The following MAP4K5 variants were observed in gnomAD, a reference collection of about 807,000 sequenced individuals.
MAP4K5 encodes the protein MAPK/ERK kinase kinase kinase 5.
In MAP4K5, 82 loss-of-function variants were observed where a neutral mutation model predicts 135.6. The observed-to-expected ratio is 0.60, with a 90% confidence interval of 0.51 to 0.73. The LOEUF is 0.73. Among genes scored for constraint, MAP4K5 ranks in the 30% least tolerant of loss-of-function variants. The pLI is 0.00. For synonymous variants in MAP4K5, 347 were observed against 335.0 expected, an observed-to-expected ratio of 1.04 and a Z score of -0.39; for missense variants, 907 against 1,010.9, an observed-to-expected ratio of 0.90 and a Z score of 1.39.
chr14:50,515,714 C>T (rs908600778), intron 2 of MAP4K5, among the ~76,000 whole-genome samples: 1 of 151,968 alleles, frequency 6.6e-6, no homozygotes, highest in African/African-American at 2.4e-5. Flanking sequence ...AGAACTATTC[C>T]ACTCCTCTTG....
intron 12 of MAP4K5, 84 bp from the exon 13 acceptor site, chr14:50,462,865 G>T: frequency 1.3e-6 from 1 of 766,630 alleles, no homozygotes; most frequent in Non-Finnish European, 2.3e-6. Flanking sequence ...TTTTCATTCA[G>T]TAACTAGCAG....
chr14:50,482,284 G>C, intron 6 of MAP4K5, 77 bp downstream of exon 6: 1 of 757,756 alleles, frequency 1.3e-6, no homozygotes, highest in African/African-American at 1.9e-5. Flanking sequence ...TCAATTGTCA[G>C]GCAATTGCCT....
chr14:50,517,071 A>G (rs574731100), intron 2 of MAP4K5, among the ~76,000 whole-genome samples: 73 of 152,322 alleles, frequency 4.8e-4, no homozygotes, highest in African/African-American at 1.6e-3. Flanking sequence ...ATGTCCAACA[A>G]AAATGATAGT....
intron 2 of MAP4K5, among the ~76,000 whole-genome samples, chr14:50,528,143 CTG>C (rs1365030057): frequency 6.6e-5 from 10 of 152,230 alleles, no homozygotes; most frequent in Middle Eastern, 3.4e-3. Flanking sequence ...CTTTTCTCTT[CTG>C]TGTTTCTTTT....
intron 17 of MAP4K5, among the ~76,000 whole-genome samples, chr14:50,445,515 C>G (rs1404679759): frequency 6.6e-6 from 1 of 152,096 alleles, no homozygotes; most frequent in Admixed American, 6.6e-5. Flanking sequence ...ACTGTTTCCC[C>G]TCCATGTAGT....
intron 11 of MAP4K5, among the ~76,000 whole-genome samples, chr14:50,466,152 G>A (rs555686831): frequency 6.2e-4 from 95 of 152,152 alleles, no homozygotes; most frequent in African/African-American, 2.2e-3. Context: ...TGAAGTGGGA[G>A]GATCCCTTGA....
intron 9 of MAP4K5, among the ~76,000 whole-genome samples, chr14:50,469,335 T>C (rs1049722054): frequency 6.6e-6 from 1 of 152,250 alleles, no homozygotes; most frequent in African/African-American, 2.4e-5. Context: ...TTCATTTTTA[T>C]CTTATTTTAC....
intron 3 of MAP4K5, among the ~76,000 whole-genome samples, chr14:50,490,124 A>AGTGAGAGT (rs2037450422): frequency 1.3e-5 from 1 of 78,186 alleles, no homozygotes; most frequent in Non-Finnish European, 2.5e-5. Flanking sequence ...ACAGAGAGCG[A>AGTGAGAGT]GTGAGAGTGT....
At chr14:50,472,945 T>C (rs1035079614) in intron 9 of MAP4K5, among the ~76,000 whole-genome samples, 4 of 152,184 alleles carry the variant, frequency 2.6e-5, no homozygotes, top group African/African-American at 4.8e-5. Context: ...ATATATTGTG[T>C]TTATCAGTGG....
At chr14:50,542,006 C>CAAAAAAAA (rs59075218) in intron 2 of MAP4K5, among the ~76,000 whole-genome samples, 4 of 62,462 alleles carry the variant, frequency 6.4e-5, no homozygotes, top group African/African-American at 1.6e-4. Flanking sequence ...GATTCCGTCT[C>CAAAAAAAA]AAAAAAAAAA....
chr14:50,418,674 G>A lies in MAP4K5; in HGVS notation c.*1345C>T, dbSNP rs1329301092. ...CTTACTTCCTCATCTGAAAAATAGA[G>A]ATAATACTTATTTTACAGAATTGCT... On this transcript the variant is annotated 3_prime_UTR_variant, in exon 33 of 33. Coordinates refer to ENST00000682126, the MANE Select transcript of MAP4K5 (RefSeq NM_006575.6). The A allele has an allele frequency of 6.6e-6, 1 of 152,510 alleles. No homozygotes were observed. The highest frequency in any genetic ancestry group is 1.5e-5 in the Non-Finnish European group (1 of 68,024). 9.4% of individuals were successfully genotyped at this position (152,510 alleles called of 1,614,324 possible). A position where few individuals can be genotyped will look rare whatever the true frequency, so the allele number is the denominator to read the frequency against.
intron 3 of MAP4K5, among the ~76,000 whole-genome samples, chr14:50,487,366 T>A (rs1281149042): frequency 1.3e-5 from 1 of 78,624 alleles, no homozygotes; most frequent in Non-Finnish European, 4.0e-5. Context: ...ATATGACACA[T>A]TTATTTATAA....
At chr14:50,533,645 A>G (rs191442382), upstream of MAP4K5, among the ~76,000 whole-genome samples, 270 of 152,324 alleles carry the variant, frequency 1.8e-3, no homozygotes, top group Non-Finnish European at 3.0e-3. Context: ...AAAGCCAGAT[A>G]ACACTCAGCC....
chr14:50,529,987 G>T (rs559437515), intron 2 of MAP4K5, among the ~76,000 whole-genome samples: 1 of 152,190 alleles, frequency 6.6e-6, no homozygotes, highest in Admixed American at 6.6e-5. Flanking sequence ...GGAAATGGAG[G>T]GGTGGAAGGT....
upstream of MAP4K5, among the ~76,000 whole-genome samples, chr14:50,537,020 A>C (rs1458812520): frequency 6.6e-6 from 1 of 152,266 alleles, no homozygotes; most frequent in African/African-American, 2.4e-5. Flanking sequence ...TTAATTCCAA[A>C]GACAATGGGG....
At chr14:50,482,339 C>A in intron 6 of MAP4K5, 22 bp downstream of exon 6, 1 of 1,416,194 alleles carries the variant, frequency 7.1e-7, no homozygotes, top group Admixed American at 3.2e-5. Context: ...GCCTTTCTAA[C>A]TATATTAAGA....
chr14:50,520,820 C>CTTT (rs139101824), intron 2 of MAP4K5, among the ~76,000 whole-genome samples: 2 of 107,946 alleles, frequency 1.9e-5, no homozygotes, highest in Non-Finnish European at 4.0e-5. Flanking sequence ...GCAAAGTCAT[C>CTTT]TTTTTTTTTT....
chr14:50,530,826 C>A (rs2038369597), intron 2 of MAP4K5, among the ~76,000 whole-genome samples: 1 of 1,988 alleles, frequency 5.0e-4, no homozygotes, highest in Non-Finnish European at 0.01. Flanking sequence ...AGTGCTAGGG[C>A]TGTTTGATAA....
rs1170031411 is a variant in MAP4K5, at chr14:50,445,767, C to A, written c.1185+312G>T. On this transcript the variant is annotated intron_variant, in intron 17 of 32. Transcript: ENST00000682126. ...GTATTTTTAGTAGAGAGGGTTTCAC[C>A]ACTTGGCCAGGCTGGTCTCAAACTC... 2.6e-5 allele frequency among the ~76,000 whole-genome samples: 4 copies of A among 152,168 alleles called. No homozygotes were observed. In the East Asian group the frequency reaches 7.7e-4, roughly 29 times the overall value.
Sources: gnomAD v4.1 joint callset for allele counts (sites outside exome capture counted in the v4.1 genomes callset) on GRCh38, gnomAD v4.1.1 for gene constraint, MANE v1.5 for transcripts, NCBI Gene and HGNC (gene_info 2026-07-23, HGNC 2026-07-21) for gene names.